OSBPL10: variants seen among roughly 807,000 people sequenced by gnomAD.
OSBPL10 encodes oxysterol-binding protein-related protein 10.
A neutral mutation model predicts 81.7 loss-of-function variants in OSBPL10; 49 were observed. The ratio of observed to expected loss-of-function variants is 0.60; its 90% confidence interval spans 0.48 to 0.76. The LOEUF is 0.76. Among genes scored for constraint, OSBPL10 ranks in the 30% least tolerant of loss-of-function variants. The probability of loss-of-function intolerance (pLI) is 0.00; values close to 1 mark genes in which losing one functional copy is unlikely to be tolerated. For synonymous variants in OSBPL10, 419 were observed against 383.6 expected (o/e 1.09, Z -1.08); for missense variants, 923 against 987.8 (o/e 0.93, Z 0.88).
intron 1 of OSBPL10, among the ~76,000 whole-genome samples, chr3:32,061,066 C>T (rs185918901): frequency 0.049 from 4,333 of 89,218 alleles, 1,611 homozygotes; most frequent in Middle Eastern, 0.16. Context: ...AAGCCCCATT[C>T]TTTCCCCTCC....
intron 2 of OSBPL10, chr3:31,989,386 C>G: frequency 6.2e-7 from 1 of 1,614,078 alleles, no homozygotes; most frequent in East Asian, 2.2e-5. Flanking sequence ...TTTTTGCTTC[C>G]AGAAAATTGG....
At chr3:31,706,093 C>G (rs921698136) in intron 6 of OSBPL10, among the ~76,000 whole-genome samples, 2 of 152,186 alleles carry the variant, frequency 1.3e-5, no homozygotes, top group African/African-American at 4.8e-5. Flanking sequence ...TTCTACCACA[C>G]AAGCACCTCA....
chr3:31,816,119 C>A (rs190164738), intron 4 of OSBPL10, among the ~76,000 whole-genome samples: 353 of 152,272 alleles, frequency 2.3e-3, no homozygotes, highest in African/African-American at 8.1e-3. Context: ...TCAGTCTGCC[C>A]CAGTTGCTGA....
chr3:31,834,912 C>A (rs1465810996), intron 3 of OSBPL10, among the ~76,000 whole-genome samples: 4 of 152,132 alleles, frequency 2.6e-5, no homozygotes, highest in African/African-American at 9.7e-5. Context: ...ATGTAGGTGT[C>A]TTCCATTCTA....
rs542973334 is a variant in OSBPL10, at chr3:31,732,893, G to A, written c.1095+364C>T. On this transcript the variant is annotated intron_variant, in intron 6 of 11. Coordinates refer to ENST00000396556, the MANE Select transcript of OSBPL10 (RefSeq NM_017784.5). The stretch of plus-strand genomic sequence containing the variant: ...GAGCTTGTATCAGCAGGAACCACAC[G>A]AAGAAGCCATTATTCAGGGGAGCGA... 270 of 269,352 alleles carry A rather than the reference G, an allele frequency of 1.0e-3. 2 individuals are homozygous for A. Among genetic ancestry groups the A allele is most frequent in the South Asian group, 3.7e-3 (94 of 25,388 alleles). The allele number at this position is 269,352 out of a possible 1,614,324, so 16.7% of individuals were successfully genotyped here. A position where few individuals can be genotyped will look rare whatever the true frequency, so the allele number is the denominator to read the frequency against.
chr3:32,048,068 T>C (rs1166310459), intron 1 of OSBPL10, among the ~76,000 whole-genome samples: 1 of 152,160 alleles, frequency 6.6e-6, no homozygotes, highest in African/African-American at 2.4e-5. Flanking sequence ...CCAGCAAACC[T>C]GAGGCTTATT....
At position 32,061,854 on chromosome 3, in the gene OSBPL10, G is replaced by A. The variant is rs896621287; in HGVS notation, n.186-15251C>T. 1.7e-4 allele frequency among the ~76,000 whole-genome samples: 16 copies of A among 92,480 alleles called. 4 individuals carry two copies. Among genetic ancestry groups the A allele is most frequent in the African/African-American group, 4.4e-4 (16 of 36,086 alleles). The allele number at this position is 92,480 out of a possible 152,430, so 60.7% of individuals were successfully genotyped here. On this transcript the variant is annotated intron_variant and non_coding_transcript_variant, in intron 1 of 3. Transcript: ENST00000479173. ...GAGTCTTACTGTGTTGAGCAGGCTGGCCTCAAACTCTTGAGCTCGAGGAAT... is the reference window on the plus strand; with the variant it reads ...GAGTCTTACTGTGTTGAGCAGGCTGACCTCAAACTCTTGAGCTCGAGGAAT...
At chr3:31,990,398 A>G (rs1433945089) in intron 2 of OSBPL10, 2 of 1,614,118 alleles carry the variant, frequency 1.2e-6, no homozygotes, top group Non-Finnish European at 1.7e-6. Context: ...CGTCGTTCAT[A>G]TCTCGTAGTT....
At chr3:32,052,388 C>G (rs538865471) in intron 1 of OSBPL10, among the ~76,000 whole-genome samples, 5 of 152,090 alleles carry the variant, frequency 3.3e-5, no homozygotes, top group Non-Finnish European at 5.9e-5. Flanking sequence ...TTGTGGAAGA[C>G]AGTGTGGTGA....
intron 3 of OSBPL10, among the ~76,000 whole-genome samples, chr3:31,845,519 T>C (rs903822191): frequency 9.8e-5 from 15 of 152,340 alleles, no homozygotes; most frequent in African/African-American, 3.4e-4. Flanking sequence ...ATTATAGTGC[T>C]TTTATAGTAA....
At chr3:32,024,941 G>A (rs1416801475) in intron 2 of OSBPL10, among the ~76,000 whole-genome samples, 1 of 152,112 alleles carries the variant, frequency 6.6e-6, no homozygotes. Context: ...TATATCATCT[G>A]TGAATTTAAA....
intron 7 of OSBPL10, among the ~76,000 whole-genome samples, chr3:31,693,126 G>A (rs1169991546): frequency 6.6e-6 from 1 of 152,192 alleles, no homozygotes; most frequent in African/African-American, 2.4e-5. Context: ...AACAGCTGGA[G>A]GGATCTGGCA....
At chr3:31,996,679 G>T (rs914284335) in intron 2 of OSBPL10, among the ~76,000 whole-genome samples, 2 of 151,950 alleles carry the variant, frequency 1.3e-5, no homozygotes, top group Admixed American at 1.3e-4. Context: ...TTTCTTTTTG[G>T]ATCAAACCTA....
At chr3:31,824,420 G>A in intron 4 of OSBPL10, among the ~76,000 whole-genome samples, 1 of 152,146 alleles carries the variant, frequency 6.6e-6, no homozygotes, top group East Asian at 1.9e-4. Context: ...TTGAGTCGTG[G>A]TTAGGGCATC....
chr3:31,788,054 G>A (rs1698903412), intron 4 of OSBPL10, among the ~76,000 whole-genome samples: 1 of 152,128 alleles, frequency 6.6e-6, no homozygotes, highest in African/African-American at 2.4e-5. Context: ...AGAAAATGTT[G>A]CTAATACTTC....
chr3:32,060,416 T>C lies in OSBPL10; in HGVS notation n.186-13813A>G, dbSNP rs114671473. Reference sequence around the variant, plus strand: ...ATGCCCAGGCCGAACGCCATCATTCTCAACTTCTTGTCCTTTCTTAACCCT... The same window carrying C: ...ATGCCCAGGCCGAACGCCATCATTCCCAACTTCTTGTCCTTTCTTAACCCT... On this transcript the variant is annotated intron_variant and non_coding_transcript_variant, in intron 1 of 3. Transcript: ENST00000479173. Among the ~76,000 whole-genome samples, 600 of 152,324 alleles carry C rather than the reference T, an allele frequency of 3.9e-3. 6 individuals are homozygous for C. The highest frequency in any genetic ancestry group is 0.014 in the African/African-American group (570 of 41,560).
intron 4 of OSBPL10, among the ~76,000 whole-genome samples, chr3:31,826,620 A>G (rs1427958325): frequency 6.6e-6 from 1 of 152,188 alleles, no homozygotes; most frequent in African/African-American, 2.4e-5. Flanking sequence ...TTCTGTGGTC[A>G]TAAGTTTATC....
intron 2 of OSBPL10, among the ~76,000 whole-genome samples, chr3:31,987,527 G>A (rs1245082606): frequency 6.6e-6 from 1 of 152,236 alleles, no homozygotes; most frequent in Non-Finnish European, 1.5e-5. Flanking sequence ...CGGAAAGTCT[G>A]AACCAATGTT....
chr3:31,889,939 A>G (rs958404780), intron 1 of OSBPL10, among the ~76,000 whole-genome samples: 8 of 152,094 alleles, frequency 5.3e-5, no homozygotes, highest in African/African-American at 1.9e-4. Flanking sequence ...GTCAATTTAA[A>G]ACTTAATAAA....
Sources: allele counts gnomAD v4.1 joint callset (sites outside exome capture counted in the v4.1 genomes callset), GRCh38; gene constraint gnomAD v4.1.1; transcripts MANE v1.5; gene names NCBI Gene and HGNC (gene_info 2026-07-23, HGNC 2026-07-21).